The following URI1 variants were observed in gnomAD, a reference collection of about 807,000 sequenced individuals.
URI1 encodes URI1 prefoldin like chaperone, also known as unconventional prefoldin RPB5 interactor 1.
URI1 carries 39 observed loss-of-function variants against 60.2 expected under a neutral mutation model. The observed-to-expected ratio is 0.65, with a 90% CI of 0.50 to 0.85. The LOEUF (loss-of-function observed/expected upper bound fraction) is 0.85, where lower values mean the gene tolerates loss of function less well. Among genes scored for constraint, URI1 ranks in the 40% least tolerant of loss-of-function variants. The probability of loss-of-function intolerance (pLI) is 0.00; values close to 1 mark genes in which losing one functional copy is unlikely to be tolerated. For missense variants in URI1, 691 were observed against 665.9 expected (o/e 1.04, Z -0.42); for synonymous variants, 251 against 236.8 (o/e 1.06, Z -0.55).
chr19:29,933,815 C>T (rs933699503), intron 1 of URI1, among the ~76,000 whole-genome samples: 1 of 73,110 alleles, frequency 1.4e-5, no homozygotes, highest in African/African-American at 5.8e-5. Flanking sequence ...GAGTGAGACT[C>T]GATCTCTTTA....
chr19:30,014,331 A>T (rs1377417669), intron 10 of URI1: 1 of 152,126 alleles, frequency 6.6e-6, no homozygotes, highest in Non-Finnish European at 1.5e-5. Context: ...CAGCACTTTT[A>T]TTTTTCAACT....
At position 29,989,569 on chromosome 19, in the gene URI1, C is replaced by T. The variant is rs34700430; in HGVS notation, c.367+3152C>T. Among the ~76,000 whole-genome samples the T allele has an allele frequency of 7.0e-3, 1,059 of 151,556 alleles. 5 individuals are homozygous for T. The highest frequency in any genetic ancestry group is 0.016 in the South Asian group (75 of 4,784). Reference sequence around the variant, plus strand: ...TCCTGAGTAGCTGAGATTACAGGTGCGTACCACCACGCCCGGCTAATTTTT... The same window carrying T: ...TCCTGAGTAGCTGAGATTACAGGTGTGTACCACCACGCCCGGCTAATTTTT... On this transcript the variant is annotated intron_variant, in intron 4 of 10. Coordinates refer to ENST00000392271, the MANE Select transcript of URI1 (RefSeq NM_003796.3).
At chr19:29,943,247 A>G (rs2055055990) in intron 1 of URI1, among the ~76,000 whole-genome samples, 1 of 152,112 alleles carries the variant, frequency 6.6e-6, no homozygotes, top group Non-Finnish European at 1.5e-5. Flanking sequence ...GGCCTGAGTC[A>G]CCGCACCCGG....
chr19:29,953,938 C>G (rs1444747661), intron 1 of URI1, among the ~76,000 whole-genome samples: 5 of 151,828 alleles, frequency 3.3e-5, no homozygotes, highest in Admixed American at 2.6e-4. Flanking sequence ...AATATTAATC[C>G]TTGCAAATAG....
At chr19:29,982,365 A>C (rs2055609400) in intron 2 of URI1, among the ~76,000 whole-genome samples, 2 of 152,128 alleles carry the variant, frequency 1.3e-5, no homozygotes, top group African/African-American at 2.4e-5. Flanking sequence ...TTTTGAACGT[A>C]CTGTTCTTTT....
At chr19:29,967,854 G>A (rs1459156225) in intron 1 of URI1, among the ~76,000 whole-genome samples, 1 of 152,158 alleles carries the variant, frequency 6.6e-6, no homozygotes, top group Non-Finnish European at 1.5e-5. Context: ...CTTCATCTCT[G>A]AATACAGGTT....
At chr19:29,970,862 A>G (rs1278389313) in intron 1 of URI1, among the ~76,000 whole-genome samples, 1 of 152,124 alleles carries the variant, frequency 6.6e-6, no homozygotes, top group Middle Eastern at 3.2e-3. Flanking sequence ...TCTACAAAAT[A>G]TGTAATATTG....
In URI1 at chr19:30,005,704, TA is replaced by T. The variant is rs1555746686; in HGVS notation, c.516del (p.Ala173GlnfsTer27). On this transcript the variant is annotated frameshift_variant, in exon 6 of 11. Coordinates refer to ENST00000392271, the MANE Select transcript of URI1 (RefSeq NM_003796.3). LOFTEE classifies it high-confidence loss of function. ...REEIKCDFEF[K>X]AKHRIAHKPH... ...AAGAAATTAAATGTGACTTCGAATT[TA>T]AAGGTAAGCAGTAAGATTGTTTTAT... The T allele has an allele frequency of 4.3e-6, 7 of 1,611,280 alleles. No individual in the cohort carries two copies. Among genetic ancestry groups the T allele is most frequent in the Non-Finnish European group, 5.9e-6 (7 of 1,178,900 alleles).
chr19:30,011,419 G>A (rs1248223336), intron 9 of URI1, among the ~76,000 whole-genome samples, 183 bp downstream of exon 9: 1 of 151,952 alleles, frequency 6.6e-6, no homozygotes, highest in Non-Finnish European at 1.5e-5. Context: ...AGAGCAGTGG[G>A]AATGGAGGAT....
chr19:29,931,410 T>G (rs979096843), intron 1 of URI1, among the ~76,000 whole-genome samples: 1 of 152,208 alleles, frequency 6.6e-6, no homozygotes, highest in Non-Finnish European at 1.5e-5. Flanking sequence ...CCTTGGATGG[T>G]CTTTCCTTGC....
intron 1 of URI1, chr19:29,956,904 C>G: frequency 8.2e-7 from 1 of 1,213,388 alleles, no homozygotes; most frequent in Non-Finnish European, 1.2e-6. Context: ...CCTCTGGGGC[C>G]CTTTATGATA....
chr19:29,938,198 G>A (rs546425840), upstream of URI1, among the ~76,000 whole-genome samples: 3 of 152,180 alleles, frequency 2.0e-5, no homozygotes, highest in South Asian at 6.2e-4. Flanking sequence ...TATTTGGCTC[G>A]CAGTTCTGTG....
rs769319004 is a variant in URI1, at chr19:30,011,189, C to G, written c.1131C>G (p.His377Gln). The G allele has an allele frequency of 3.7e-6, 6 of 1,612,028 alleles. No homozygotes were observed. The South Asian group carries it at 6.6e-5, about 18-fold the overall frequency. Reference protein sequence around the residue: ...RKRKNSTGSGHSAQELPTIRT... With the variant: ...RKRKNSTGSGQSAQELPTIRT... ...GAAAGAACAGCACTGGCAGTGGCCA[C>G]TCTGCCCAGGAGCTGCCGACCATCA... is the stretch of plus-strand genomic sequence containing the variant. Residue 377 changes from histidine to glutamine, a missense_variant, in exon 9 of 11, where the codon CAC becomes CAG. By Grantham distance (24) the His-to-Gln change is conservative (BLOSUM62 0). Coordinates refer to ENST00000392271, the MANE Select transcript of URI1 (RefSeq NM_003796.3).
intron 1 of URI1, among the ~76,000 whole-genome samples, chr19:29,953,558 A>T (rs1313020936): frequency 6.6e-6 from 1 of 152,202 alleles, no homozygotes; most frequent in Non-Finnish European, 1.5e-5. Flanking sequence ...GTCTGTTATC[A>T]TTTATACTGT....
chr19:29,942,587 C>T lies in URI1; in HGVS notation c.40C>T (p.Pro14Ser), dbSNP rs1356554097. The T allele has an allele frequency of 3.5e-6, 5 of 1,425,690 alleles. No homozygotes were observed. The highest frequency in any genetic ancestry group is 1.5e-5 in the African/African-American group (1 of 66,972). The allele number at this position is 1,425,690 out of a possible 1,614,324, so 88.3% of individuals were successfully genotyped here. A position where few individuals can be genotyped will look rare whatever the true frequency, so the allele number is the denominator to read the frequency against. ...CGTGGAGACGCCCCCCGACCCCTCGCCCCCTTCGGCCCCGGCCCCTGCCCT... is the reference window on the plus strand; with the variant it reads ...CGTGGAGACGCCCCCCGACCCCTCGTCCCCTTCGGCCCCGGCCCCTGCCCT... Reference protein sequence around the residue: ...PTVETPPDPSPPSAPAPALVP... With the variant: ...PTVETPPDPSSPSAPAPALVP... Residue 14 changes from proline to serine, a missense_variant, in exon 1 of 11, where the codon CCC (proline) becomes TCC (serine). By Grantham distance (74) the Pro-to-Ser change is moderately conservative. Coordinates refer to ENST00000392271, the MANE Select transcript of URI1 (RefSeq NM_003796.3).
At chr19:29,965,358 ATC>A (rs2055379511) in intron 1 of URI1, among the ~76,000 whole-genome samples, 1 of 152,170 alleles carries the variant, frequency 6.6e-6, no homozygotes, top group Non-Finnish European at 1.5e-5. Context: ...ATGATTGATA[ATC>A]TCTGATAAAA....
intron 2 of URI1, chr19:29,980,430 C>A (rs1364509443): frequency 6.6e-6 from 1 of 151,756 alleles, no homozygotes; most frequent in African/African-American, 2.4e-5. Flanking sequence ...CCAGAATCTT[C>A]CGTTTTTATC....
intron 1 of URI1, chr19:29,957,124 A>G: frequency 1.2e-5 from 5 of 431,072 alleles, no homozygotes; most frequent in South Asian, 7.2e-5. Flanking sequence ...AAAGAAATAC[A>G]ATTTATGTTT....
At chr19:29,956,656 A>G in intron 1 of URI1, 13 of 1,532,822 alleles carry the variant, frequency 8.5e-6, no homozygotes, top group African/African-American at 1.4e-5. Flanking sequence ...TCGGATTTCA[A>G]CAAGAGACCC....
Sources: allele counts gnomAD v4.1 joint callset (sites outside exome capture counted in the v4.1 genomes callset), GRCh38; gene constraint gnomAD v4.1.1; transcripts MANE v1.5; gene names NCBI Gene and HGNC (gene_info 2026-07-23, HGNC 2026-07-21).